HIPK2: variants seen among roughly 807,000 people sequenced by gnomAD.
HIPK2 encodes the protein homeodomain-interacting protein kinase 2.
In HIPK2, 27 loss-of-function variants were observed where a neutral mutation model predicts 113.7. The observed-to-expected ratio is 0.24, with a 90% CI of 0.17 to 0.33. The LOEUF is 0.33. Among genes scored for constraint, HIPK2 ranks in the 10% least tolerant of loss-of-function variants. The pLI, the probability that HIPK2 is intolerant of heterozygous loss-of-function variation, is 1.00. For synonymous variants in HIPK2, 631 were observed against 642.2 expected (o/e 0.98, Z 0.26); for missense variants, 1,257 against 1,588.0 (o/e 0.79, Z 3.54).
chr7:139,775,731 G>A (rs1796729005), intron 1 of HIPK2, among the ~76,000 whole-genome samples: 1 of 152,194 alleles, frequency 6.6e-6, no homozygotes, highest in Admixed American at 6.5e-5. Context: ...GTAAGGAACT[G>A]GAAGAACAAT....
chr7:139,755,969 ATTC>A (rs934023166), intron 1 of HIPK2, among the ~76,000 whole-genome samples: 4 of 152,236 alleles, frequency 2.6e-5, no homozygotes, highest in African/African-American at 9.6e-5. Flanking sequence ...GGAAATGCAT[ATTC>A]TTCTGAGCCA....
intron 2 of HIPK2, among the ~76,000 whole-genome samples, chr7:139,673,350 G>A (rs998658690): frequency 2.0e-5 from 3 of 152,152 alleles, no homozygotes; most frequent in African/African-American, 4.8e-5. Flanking sequence ...GCATTCTCTC[G>A]CATAATCTGT....
At chr7:139,592,936 C>T (rs1799076554) in intron 12 of HIPK2, among the ~76,000 whole-genome samples, 1 of 152,188 alleles carries the variant, frequency 6.6e-6, no homozygotes, top group Non-Finnish European at 1.5e-5. Context: ...GCCCTTCTTA[C>T]TTTAAAAAGA....
At chr7:139,601,088 C>A (rs912380260) in intron 10 of HIPK2, among the ~76,000 whole-genome samples, 3 of 151,880 alleles carry the variant, frequency 2.0e-5, no homozygotes, top group Non-Finnish European at 4.4e-5. Context: ...ACCAGAAATA[C>A]AAAAAATTAG....
intron 2 of HIPK2, among the ~76,000 whole-genome samples, chr7:139,688,883 A>G (rs1284141638): frequency 6.6e-6 from 1 of 152,200 alleles, no homozygotes; most frequent in Non-Finnish European, 1.5e-5. Flanking sequence ...AGTCAAAGTG[A>G]CCAACAACTT....
intron 2 of HIPK2, among the ~76,000 whole-genome samples, chr7:139,638,169 C>A (rs1270530159): frequency 6.6e-6 from 1 of 152,164 alleles, no homozygotes; most frequent in African/African-American, 2.4e-5. Context: ...CTGCAGCATG[C>A]GAAATCACAT....
chr7:139,743,242 T>A (rs1405789167), intron 1 of HIPK2, among the ~76,000 whole-genome samples: 2 of 152,088 alleles, frequency 1.3e-5, no homozygotes, highest in Non-Finnish European at 2.9e-5. Context: ...AGGAAGAAGA[T>A]GATGGGCACA....
chr7:139,767,635 A>G (rs1796574630), intron 1 of HIPK2, among the ~76,000 whole-genome samples: 1 of 152,236 alleles, frequency 6.6e-6, no homozygotes. Context: ...TGGTTACTGA[A>G]CTACTTTGGC....
At chr7:139,691,257 A>C (rs59315640) in intron 2 of HIPK2, among the ~76,000 whole-genome samples, 3,857 of 152,284 alleles carry the variant, frequency 0.025, 148 homozygotes, top group African/African-American at 0.087. Flanking sequence ...CGATTGTGCA[A>C]ACATCTGGCA....
intron 2 of HIPK2, among the ~76,000 whole-genome samples, chr7:139,694,515 C>G (rs1252233877): frequency 6.6e-6 from 1 of 152,202 alleles, no homozygotes; most frequent in Non-Finnish European, 1.5e-5. Context: ...AGATCCACCT[C>G]TGGTCTCTGG....
intron 13 of HIPK2, among the ~76,000 whole-genome samples, chr7:139,575,819 T>C (rs553797150): frequency 4.6e-5 from 7 of 152,258 alleles, no homozygotes; most frequent in African/African-American, 1.7e-4. Context: ...TATTGAGAGA[T>C]TGGCTTTTTT....
chr7:139,670,826 C>T (rs1802259027), intron 2 of HIPK2, among the ~76,000 whole-genome samples: 1 of 132,768 alleles, frequency 7.5e-6, no homozygotes, highest in African/African-American at 2.9e-5. Flanking sequence ...TGCAATGGCA[C>T]AATCTCAGCT....
chr7:139,627,313 T>TGTATGTAG (rs1800467422), intron 5 of HIPK2, among the ~76,000 whole-genome samples: 1 of 151,514 alleles, frequency 6.6e-6, no homozygotes. Context: ...TATGTATGTA[T>TGTATGTAG]GTATGTATGT....
chr7:139,685,360 G>A (rs895936206), intron 2 of HIPK2, among the ~76,000 whole-genome samples: 2 of 151,948 alleles, frequency 1.3e-5, no homozygotes, highest in Non-Finnish European at 2.9e-5. Flanking sequence ...ACAAGGTTTC[G>A]CCATGTTGCC....
rs1799893577 is a variant in HIPK2, at chr7:139,613,077, C to G, written c.2112+125G>C. 2 of 1,139,034 alleles carry G rather than the reference C, an allele frequency of 1.8e-6. No homozygotes were observed. The highest frequency in any genetic ancestry group is 2.1e-4 in the Middle Eastern group (1 of 4,670). The allele number at this position is 1,139,034 out of a possible 1,614,324, so 70.6% of individuals were successfully genotyped here. A position where few individuals can be genotyped will look rare whatever the true frequency, so the allele number is the denominator to read the frequency against. ...GGGACCATTTAGAATATTACAGATA[C>G]ATTCCAATGACTAGAAGCACCTAAC... On this transcript the variant is annotated intron_variant, in intron 9 of 14. Coordinates refer to ENST00000406875, the MANE Select transcript of HIPK2 (RefSeq NM_022740.5). The surrounding 1 kb of genome is among the most constrained non-coding windows in gnomAD (Gnocchi z 4.2).
chr7:139,705,749 T>C (rs1041658627), intron 2 of HIPK2, among the ~76,000 whole-genome samples: 2 of 151,184 alleles, frequency 1.3e-5, no homozygotes, highest in Non-Finnish European at 2.9e-5. Flanking sequence ...AAGTAGCAGA[T>C]CTGGAATTCA....
chr7:139,576,766 G>C (rs1387382379), intron 13 of HIPK2, among the ~76,000 whole-genome samples: 4 of 152,228 alleles, frequency 2.6e-5, no homozygotes, highest in African/African-American at 9.6e-5. Context: ...AGTCCAAGAA[G>C]GCTGATGGAA....
chr7:139,748,245 G>T (rs908210511), intron 1 of HIPK2, among the ~76,000 whole-genome samples: 1 of 152,098 alleles, frequency 6.6e-6, no homozygotes, highest in African/African-American at 2.4e-5. Flanking sequence ...CCTACATCCA[G>T]ACTCCCACGC....
chr7:139,731,090 T>C (rs187387980), intron 1 of HIPK2, among the ~76,000 whole-genome samples: 1 of 152,234 alleles, frequency 6.6e-6, no homozygotes, highest in Non-Finnish European at 1.5e-5. Context: ...TTGTGTTAAT[T>C]TGTTACAGTC....
Sources: allele counts gnomAD v4.1 joint callset (sites outside exome capture counted in the v4.1 genomes callset), GRCh38; gene constraint gnomAD v4.1.1; non-coding constraint Gnocchi (gnomAD v3.1); transcripts MANE v1.5; gene names NCBI Gene and HGNC (gene_info 2026-07-23, HGNC 2026-07-21).